The following GGPS1 variants were observed in gnomAD, a reference collection of about 807,000 sequenced individuals.
GGPS1 encodes the protein geranylgeranyl diphosphate synthase 1.
In GGPS1, 15 loss-of-function variants were observed where a neutral mutation model predicts 28.1. The ratio of observed to expected loss-of-function variants is 0.53; its 90% CI spans 0.36 to 0.82. GGPS1 has a LOEUF of 0.82. Ranked by LOEUF, GGPS1 falls within the 40% of genes least tolerant of loss-of-function variation. The pLI is 0.01. For missense variants in GGPS1, 284 were observed against 348.3 expected (o/e 0.82, Z 1.47); for synonymous variants, 138 against 122.4 (o/e 1.13, Z -0.84).
intron 1 of GGPS1, among the ~76,000 whole-genome samples, chr1:235,330,949 C>T (rs565209625): frequency 3.3e-5 from 5 of 152,132 alleles, no homozygotes; most frequent in East Asian, 1.9e-4. Flanking sequence ...TAATGATGTT[C>T]GATAATAATC....
intron 1 of GGPS1, among the ~76,000 whole-genome samples, chr1:235,333,573 A>G (rs1675780572): frequency 6.6e-6 from 1 of 151,970 alleles, no homozygotes; most frequent in Non-Finnish European, 1.5e-5. Flanking sequence ...GTCTCAAAAA[A>G]AAAAAACAAA....
At chr1:235,331,070 A>G (rs918427949) in intron 1 of GGPS1, among the ~76,000 whole-genome samples, 3 of 152,230 alleles carry the variant, frequency 2.0e-5, no homozygotes, top group East Asian at 1.9e-4. Context: ...GGTTACCTAA[A>G]TAGGTATTTG....
At chr1:235,336,075 T>A (rs917007093) in intron 2 of GGPS1, among the ~76,000 whole-genome samples, 12 of 152,136 alleles carry the variant, frequency 7.9e-5, no homozygotes, top group Admixed American at 5.2e-4. Flanking sequence ...CGTGTGTGTT[T>A]TTGTTTTATT....
Position 235,344,104 on chromosome 1 carries a change from T to C in GGPS1, c.*1332T>C, listed in dbSNP as rs1253166402. 1.8e-5 allele frequency: 3 copies of C among 165,338 alleles called. No individual in the cohort carries two copies. The highest frequency in any genetic ancestry group is 4.4e-5 in the Non-Finnish European group (3 of 67,964). 10.2% of individuals were successfully genotyped at this position (165,338 alleles called of 1,614,324 possible). On this transcript the variant is annotated 3_prime_UTR_variant, in exon 4 of 4. Coordinates refer to ENST00000282841, the MANE Select transcript of GGPS1 (RefSeq NM_004837.4). ...TGACCTGGTTACCAGTTTTCTGTAGTTTCTACACCCAAGCCACTGAAGTCA... is the reference window on the plus strand; with the variant it reads ...TGACCTGGTTACCAGTTTTCTGTAGCTTCTACACCCAAGCCACTGAAGTCA...
chr1:235,338,474 A>G (rs575262205), intron 2 of GGPS1, among the ~76,000 whole-genome samples: 14 of 152,366 alleles, frequency 9.2e-5, no homozygotes, highest in Middle Eastern at 3.4e-3. Flanking sequence ...TAGTACCTCA[A>G]AAATAAGCCA....
rs1676079888 is a variant in GGPS1 at position 235,342,479 on chromosome 1, T to A, written c.610T>A (p.Phe204Ile). The change falls in exon 4 of 4, where the codon TTT becomes ATT. Residue 204 changes from phenylalanine to isoleucine, a missense_variant. Coordinates refer to ENST00000282841, the MANE Select transcript of GGPS1 (RefSeq NM_004837.4). ...HSKEYSENKSFCEDLTEGKFS... is the reference protein window; with the variant it reads ...HSKEYSENKSICEDLTEGKFS... ...CAAAGAATATAGTGAAAACAAAAGT[T>A]TTTGTGAAGATCTGACAGAGGGAAA... 1 of 1,613,612 alleles carries A rather than the reference T, an allele frequency of 6.2e-7. No individual in the cohort carries two copies. The highest frequency in any genetic ancestry group is 1.3e-5 in the African/African-American group (1 of 74,902).
At chr1:235,341,254 G>A (rs1676036720) in intron 2 of GGPS1, among the ~76,000 whole-genome samples, 1 of 152,062 alleles carries the variant, frequency 6.6e-6, no homozygotes, top group African/African-American at 2.4e-5. Context: ...GTGAACCCAG[G>A]AGGTGGAGTT....
At position 235,342,367 on chromosome 1, in the gene GGPS1, C is replaced by A. The variant is rs1177459541; in HGVS notation, c.498C>A (p.Phe166Leu). ...TAGCAGTAGGTCTCATGCAGTTGTT[C>A]TCTGATTACAAAGAAGATTTAAAAC... Reference protein sequence around the residue: ...FGLAVGLMQLFSDYKEDLKPL... With the variant: ...FGLAVGLMQLLSDYKEDLKPL... The change falls in exon 4 of 4, where the codon TTC becomes TTA. Residue 166 changes from phenylalanine to leucine, a missense_variant. Phe to Leu is a conservative substitution (Grantham distance 22, BLOSUM62 0). Transcript: ENST00000282841. 6.2e-7 allele frequency: 1 copy of A among 1,614,030 alleles called. No individual in the cohort carries two copies. The highest frequency in any genetic ancestry group is 8.5e-7 in the Non-Finnish European group (1 of 1,179,852).
Position 235,342,199 on chromosome 1 carries a change from T to C in GGPS1, c.330T>C (p.Asp110=), listed in dbSNP as rs1483407349. 5.0e-5 allele frequency: 81 copies of C among 1,613,922 alleles called. No homozygotes were observed. The highest frequency in any genetic ancestry group is 6.3e-5 in the Non-Finnish European group (74 of 1,179,930). Residue 110 remains aspartate, a synonymous_variant, in exon 4 of 4, where the codon GAT becomes GAC. Transcript: ENST00000282841. ...AAGTCTTAACCCTTGATCACCCAGA[T>C]GCAGTGAAGCTTTTTACCCGCCAGC... ...LEKVLTLDHP[D]AVKLFTRQLL...
At chr1:235,334,978 T>C (rs1379990205) in intron 1 of GGPS1, among the ~76,000 whole-genome samples, 1 of 151,940 alleles carries the variant, frequency 6.6e-6, no homozygotes, top group East Asian at 1.9e-4. Context: ...CCACCTCAGC[T>C]AATTTTTCAT....
intron 1 of GGPS1, among the ~76,000 whole-genome samples, chr1:235,334,911 T>C (rs1316591512): frequency 6.6e-6 from 1 of 152,120 alleles, no homozygotes; most frequent in Non-Finnish European, 1.5e-5. Flanking sequence ...CTAATCTTTG[T>C]AGTTTTAGTA....
At position 235,342,433 on chromosome 1, in the gene GGPS1, T is replaced by C; in HGVS notation, c.564T>C (p.Asp188=). The C allele has an allele frequency of 6.2e-7, 1 of 1,612,944 alleles. No homozygotes were observed. The highest frequency in any genetic ancestry group is 8.5e-7 in the Non-Finnish European group (1 of 1,179,036). ...NTLGLFFQIR[D]DYANLHSKEY... ...TTGGGCTCTTTTTCCAAATTAGGGA[T>C]GATTATGCTAATCTACACTCCAAAG... The change falls in exon 4 of 4, where the codon GAT becomes GAC. Residue 188 remains aspartate (D), a synonymous_variant. Transcript: ENST00000282841.
At chr1:235,338,780 G>A (rs780552350) in intron 2 of GGPS1, among the ~76,000 whole-genome samples, 1 of 151,886 alleles carries the variant, frequency 6.6e-6, no homozygotes. Flanking sequence ...CTACTCAGGG[G>A]ACTTGAGCCT....
chr1:235,335,346 CT>C lies in GGPS1; in HGVS notation c.70+14del. 7.8e-7 allele frequency: 1 copy of C among 1,281,484 alleles called. No homozygotes were observed. Among genetic ancestry groups the C allele is most frequent in the Non-Finnish European group, 1.1e-6 (1 of 881,518 alleles). 79.4% of individuals were successfully genotyped at this position (1,281,484 alleles called of 1,614,324 possible). Reference sequence around the variant, plus strand: ...ACTTCAGTTACCAGGTAATACTTCACTTACAGTCCATATAGGGTCATTTTCA... The same window carrying C: ...ACTTCAGTTACCAGGTAATACTTCACTACAGTCCATATAGGGTCATTTTCA... On this transcript the variant is annotated intron_variant, in intron 2 of 3. Transcript: ENST00000282841.
intron 1 of GGPS1, among the ~76,000 whole-genome samples, chr1:235,331,795 A>G (rs1675724914): frequency 6.6e-6 from 1 of 152,192 alleles, no homozygotes; most frequent in Non-Finnish European, 1.5e-5. Flanking sequence ...GTGCTTACCA[A>G]CTGCCTAACA....
At chr1:235,328,192 C>T (rs1417702980), upstream of GGPS1, 1 of 148,070 alleles carries the variant, frequency 6.8e-6, no homozygotes, top group African/African-American at 2.5e-5. Context: ...CGCTTCCCCC[C>T]CACCGACTCT....
chr1:235,339,172 G>C (rs1009314123), intron 2 of GGPS1, among the ~76,000 whole-genome samples: 26 of 151,916 alleles, frequency 1.7e-4, no homozygotes, highest in African/African-American at 6.0e-4. Context: ...AGTGGCGCAC[G>C]ACTGTAATCC....
At chr1:235,334,106 T>G (rs1302448627) in intron 1 of GGPS1, among the ~76,000 whole-genome samples, 7 of 152,206 alleles carry the variant, frequency 4.6e-5, no homozygotes, top group African/African-American at 1.4e-4. Flanking sequence ...ATATATGCAT[T>G]TGAGTTAATG....
At chr1:235,333,801 A>T (rs771544723) in intron 1 of GGPS1, among the ~76,000 whole-genome samples, 2 of 152,190 alleles carry the variant, frequency 1.3e-5, no homozygotes, top group Non-Finnish European at 2.9e-5. Context: ...GCCATATTAC[A>T]TTTAGCCTTT....
Sources: gnomAD v4.1 joint callset for allele counts (sites outside exome capture counted in the v4.1 genomes callset) on GRCh38, gnomAD v4.1.1 for gene constraint, MANE v1.5 for transcripts, NCBI Gene and HGNC (gene_info 2026-07-23, HGNC 2026-07-21) for gene names.